Variants in TTC28 observed in about 807,000 individuals in gnomAD.
TTC28 encodes tetratricopeptide repeat protein 28.
Under a neutral mutation model 198.0 loss-of-function variants are expected in TTC28, and 61 were observed. That is an observed-to-expected ratio of 0.31 (90% CI 0.25 to 0.38). TTC28 has a LOEUF of 0.38. Ranked by LOEUF, TTC28 falls within the 10% of genes least tolerant of loss-of-function variation. TTC28 has a pLI of 1.00. For synonymous variants in TTC28, 1,171 were observed against 1,297.8 expected (o/e 0.90, Z 2.10); for missense variants, 2,678 against 3,164.0 (o/e 0.85, Z 3.69).
At chr22:28,626,632 T>C (rs771886554) in intron 2 of TTC28, among the ~76,000 whole-genome samples, 42 of 152,168 alleles carry the variant, frequency 2.8e-4, no homozygotes, top group Non-Finnish European at 5.4e-4. Flanking sequence ...AAACATTCTT[T>C]TGCAGTACTG....
At chr22:27,999,917 T>C (rs977160059) in intron 15 of TTC28, 1 of 152,236 alleles carries the variant, frequency 6.6e-6, no homozygotes, top group African/African-American at 2.4e-5. Flanking sequence ...AATAATTTTT[T>C]GGTGCCTCTG....
chr22:28,505,909 G>C (rs1219674921), intron 2 of TTC28, among the ~76,000 whole-genome samples: 2 of 152,226 alleles, frequency 1.3e-5, no homozygotes, highest in African/African-American at 4.8e-5. Flanking sequence ...GGGGAAGAAG[G>C]GTGGCCACCG....
In TTC28 at chr22:28,064,505, G is replaced by A. The variant is rs565935789; in HGVS notation, c.3932+29575C>T. On this transcript the variant is annotated intron_variant, in intron 12 of 22. Coordinates refer to ENST00000397906, the MANE Select transcript of TTC28 (RefSeq NM_001145418.2). ...CCCCTGAACCACTGGACAGAAGAGC[G>A]CGGAAAACTCAAATGGGGATAATAA... is the stretch of plus-strand genomic sequence containing the variant. Among the ~76,000 whole-genome samples the A allele has an allele frequency of 1.6e-4, 25 of 152,146 alleles. No homozygotes were observed. In the South Asian group the frequency reaches 3.1e-3, roughly 19 times the overall value.
chr22:28,281,783 G>A (rs962278952), intron 5 of TTC28, among the ~76,000 whole-genome samples: 2 of 152,188 alleles, frequency 1.3e-5, no homozygotes, highest in African/African-American at 4.8e-5. Context: ...CCTGAAGTGG[G>A]CAGCAGGTGA....
chr22:28,450,253 A>G (rs2146252140), intron 2 of TTC28, among the ~76,000 whole-genome samples: 1 of 152,288 alleles, frequency 6.6e-6, no homozygotes, highest in East Asian at 1.9e-4. Context: ...GGAGAGAAAA[A>G]GAGAGATCAT....
At chr22:28,392,434 C>A (rs1027506961) in intron 2 of TTC28, among the ~76,000 whole-genome samples, 1 of 152,222 alleles carries the variant, frequency 6.6e-6, no homozygotes, top group African/African-American at 2.4e-5. Flanking sequence ...GGCACTCCTC[C>A]CCCAGCCTCG....
chr22:28,117,986 G>A (rs1942678097), intron 6 of TTC28, among the ~76,000 whole-genome samples: 1 of 152,118 alleles, frequency 6.6e-6, no homozygotes, highest in South Asian at 2.1e-4. Context: ...GAGGGGACAA[G>A]TACCCCATTT....
rs1601508584 is a variant in TTC28 at position 28,005,166 on chromosome 22, G to A, written c.4219-3613C>T. Among the ~76,000 whole-genome samples the A allele has an allele frequency of 2.0e-5, 3 of 152,352 alleles. No homozygotes were observed. Among genetic ancestry groups the A allele is most frequent in the Middle Eastern group, 6.8e-3 (2 of 294 alleles). On this transcript the variant is annotated intron_variant, in intron 14 of 22. Coordinates refer to ENST00000397906, the MANE Select transcript of TTC28 (RefSeq NM_001145418.2). This position sits in a 1 kb window ranked among gnomAD's most constrained non-coding sequence, Gnocchi z 4.9. ...CGCCCTGCGCTCTCACCAAGGGGCT[G>A]TGACCCTGACTGTGGCAATGTGAGT...
intron 2 of TTC28, among the ~76,000 whole-genome samples, chr22:28,330,902 A>C (rs767305317): frequency 1.4e-4 from 21 of 152,200 alleles, no homozygotes; most frequent in Non-Finnish European, 2.5e-4. Context: ...CTTACAAAGG[A>C]ATTGTATTCC....
rs1181962913 is a variant in TTC28 at position 28,648,946 on chromosome 22, G to GAGAA, written c.103-19120_103-19117dup. Among the ~76,000 whole-genome samples the GAGAA allele has an allele frequency of 5.3e-5, 8 of 151,600 alleles. No individual in the cohort carries two copies. The East Asian group carries it at 1.5e-3, about 29-fold the overall frequency. On this transcript the variant is annotated intron_variant, in intron 1 of 22. Transcript: ENST00000397906. ...GAAAAGAAAAGGAGAGAGAGAGAGA[G>GAGAA]AGAAAGAAAGGAAAGAAAAGAAAGA...
intron 6 of TTC28, among the ~76,000 whole-genome samples, chr22:28,143,918 A>T (rs2146996043): frequency 6.6e-6 from 1 of 152,294 alleles, no homozygotes; most frequent in East Asian, 1.9e-4. Flanking sequence ...GAATCTTCAA[A>T]TTTTTTTACG....
At chr22:28,083,641 C>T (rs1941446211) in intron 12 of TTC28, among the ~76,000 whole-genome samples, 2 of 152,230 alleles carry the variant, frequency 1.3e-5, no homozygotes, top group African/African-American at 4.8e-5. Flanking sequence ...GTTCATCTCA[C>T]TGGGGAGTGC....
intron 1 of TTC28, among the ~76,000 whole-genome samples, chr22:28,635,943 AAT>A (rs1569075066): frequency 6.6e-6 from 1 of 151,732 alleles, no homozygotes; most frequent in Non-Finnish European, 1.5e-5. Flanking sequence ...CCCCTTAACC[AAT>A]GTCACCCCAT....
intron 1 of TTC28, among the ~76,000 whole-genome samples, chr22:28,637,720 G>A (rs531296594): frequency 6.6e-6 from 1 of 151,490 alleles, no homozygotes; most frequent in South Asian, 2.1e-4. Flanking sequence ...ATGATTGAAT[G>A]GATAAAAATT....
At chr22:28,449,227 T>C (rs2047742936) in intron 2 of TTC28, among the ~76,000 whole-genome samples, 1 of 152,080 alleles carries the variant, frequency 6.6e-6, no homozygotes. Flanking sequence ...ACAGGAGAGG[T>C]GGCACAGCAT....
intron 2 of TTC28, among the ~76,000 whole-genome samples, chr22:28,476,323 C>T (rs182753570): frequency 3.3e-5 from 5 of 152,192 alleles, no homozygotes; most frequent in East Asian, 3.9e-4. Context: ...TTATGTATAA[C>T]GTTGTGTAAT....
At position 28,170,980 on chromosome 22, in the gene TTC28, CT is replaced by C. The variant is rs76585422; in HGVS notation, c.934-7382del. Among the ~76,000 whole-genome samples, 544 of 132,752 alleles carry C rather than the reference CT, an allele frequency of 4.1e-3. 2 individuals are homozygous for C. The highest frequency in any genetic ancestry group is 0.019 in the Middle Eastern group (5 of 260). 87.1% of individuals were successfully genotyped at this position (132,752 alleles called of 152,430 possible). ...CCTCTCACATTGCTTGCCACTCATTCTTTTTTTTTTTTTTTTTCTTATTTTG... is the reference window on the plus strand; with the variant it reads ...CCTCTCACATTGCTTGCCACTCATTCTTTTTTTTTTTTTTTTCTTATTTTG... On this transcript the variant is annotated intron_variant, in intron 5 of 22. Coordinates refer to ENST00000397906, the MANE Select transcript of TTC28 (RefSeq NM_001145418.2).
At chr22:28,128,325 C>CAA (rs201484974) in intron 6 of TTC28, among the ~76,000 whole-genome samples, 1 of 146,130 alleles carries the variant, frequency 6.8e-6, no homozygotes, top group African/African-American at 2.5e-5. Flanking sequence ...CTCAAAAAAA[C>CAA]AAAAAAAAAA....
intron 1 of TTC28, among the ~76,000 whole-genome samples, chr22:28,674,817 CAAA>C (rs34351638): frequency 2.5e-4 from 24 of 96,544 alleles, no homozygotes; most frequent in South Asian, 3.4e-4. Flanking sequence ...ACTCTGTCTC[CAAA>C]AAAAAAAAAA....
Sources: gnomAD v4.1 joint callset for allele counts (sites outside exome capture counted in the v4.1 genomes callset) on GRCh38, gnomAD v4.1.1 for gene constraint, Gnocchi (gnomAD v3.1) non-coding constraint, MANE v1.5 for transcripts, NCBI Gene and HGNC (gene_info 2026-07-23, HGNC 2026-07-21) for gene names.